The following CLPB variants were observed in gnomAD, a reference collection of about 807,000 sequenced individuals.
CLPB encodes ClpB family mitochondrial disaggregase.
Under a neutral mutation model 78.4 loss-of-function variants are expected in CLPB, and 40 were observed. The ratio of observed to expected loss-of-function variants is 0.51; its 90% CI spans 0.40 to 0.66. The LOEUF is 0.66. Among genes scored for constraint, CLPB ranks in the 30% least tolerant of loss-of-function variants. CLPB has a pLI of 0.00. For synonymous variants in CLPB, 333 were observed against 348.0 expected, an observed-to-expected ratio of 0.96 and a Z score of 0.48; for missense variants, 780 against 886.9, an observed-to-expected ratio of 0.88 and a Z score of 1.53.
chr11:72,292,794 C>T lies in CLPB; in HGVS notation c.*573G>A, dbSNP rs1048116113. The T allele has an allele frequency of 6.5e-6, 1 of 154,036 alleles. No individual in the cohort carries two copies. Among genetic ancestry groups the T allele is most frequent in the Non-Finnish European group, 1.4e-5 (1 of 69,218 alleles). 9.5% of individuals were successfully genotyped at this position (154,036 alleles called of 1,614,324 possible). On this transcript the variant is annotated 3_prime_UTR_variant, in exon 16 of 16. Coordinates refer to ENST00000538039, the MANE Select transcript of CLPB (RefSeq NM_001258392.3). ...ACTGGGCATAATATAGTAGCGGAAA[C>T]AGGCAAGCCTCTATGGGTCCCTTCC...
At chr11:72,419,379 G>A (rs1379326384) in intron 2 of CLPB, among the ~76,000 whole-genome samples, 1 of 152,200 alleles carries the variant, frequency 6.6e-6, no homozygotes, top group African/African-American at 2.4e-5. Flanking sequence ...CAAGAGGCAG[G>A]ACCATGCCCA....
intron 3 of CLPB, among the ~76,000 whole-genome samples, chr11:72,395,198 C>T (rs1045770201): frequency 6.6e-6 from 1 of 152,164 alleles, no homozygotes; most frequent in South Asian, 2.1e-4. Context: ...GACTTTTATC[C>T]CTTTTCTGAG....
intron 3 of CLPB, among the ~76,000 whole-genome samples, chr11:72,401,506 A>G (rs1590899518): frequency 6.6e-6 from 1 of 152,188 alleles, no homozygotes; most frequent in Non-Finnish European, 1.5e-5. Flanking sequence ...AGCTAAAGAG[A>G]GCAAATCAGG....
Position 72,434,315 on chromosome 11 carries a change from C to G in CLPB, c.160G>C (p.Gly54Arg). 6.2e-7 allele frequency: 1 copy of G among 1,612,532 alleles called. No individual in the cohort carries two copies. Among genetic ancestry groups the G allele is most frequent in the Non-Finnish European group, 8.5e-7 (1 of 1,179,792 alleles). The stretch of plus-strand genomic sequence containing the variant: ...AAGGCCGGCGATGTTCCAGGGCGCC[C>G]CCCGGTGGCTACCCTCAGCCACTGC... ...EPQWLRVATGGRPGTSPALFS... is the reference protein window; with the variant it reads ...EPQWLRVATGRRPGTSPALFS... The change falls in exon 1 of 16, where the codon GGG becomes CGG. Residue 54 changes from glycine to arginine, a missense_variant. Gly to Arg is a moderately radical substitution (Grantham distance 125). Coordinates refer to ENST00000538039, the MANE Select transcript of CLPB (RefSeq NM_001258392.3).
intron 9 of CLPB, among the ~76,000 whole-genome samples, chr11:72,305,265 G>C (rs1461385581): frequency 6.6e-6 from 1 of 152,220 alleles, no homozygotes; most frequent in Non-Finnish European, 1.5e-5. Flanking sequence ...ATAAGCCTAA[G>C]AATGCTGTAG....
intron 7 of CLPB, among the ~76,000 whole-genome samples, chr11:72,316,833 T>C (rs1266292432): frequency 2.0e-5 from 3 of 152,134 alleles, no homozygotes; most frequent in Non-Finnish European, 2.9e-5. Context: ...ATTCTATGCA[T>C]AGGAAAGCAG....
chr11:72,424,296 G>A (rs1460377210), intron 2 of CLPB, among the ~76,000 whole-genome samples: 2 of 152,170 alleles, frequency 1.3e-5, no homozygotes, highest in Non-Finnish European at 2.9e-5. Flanking sequence ...CCCATGCCTG[G>A]GGGCAATTGT....
intron 3 of CLPB, among the ~76,000 whole-genome samples, chr11:72,386,000 C>T (rs1590878448): frequency 6.6e-6 from 1 of 152,060 alleles, no homozygotes; most frequent in Non-Finnish European, 1.5e-5. Context: ...ATAAAATTTA[C>T]ATCAAAAAGT....
At chr11:72,379,414 TA>T (rs1202310766) in intron 4 of CLPB, among the ~76,000 whole-genome samples, 1 of 152,128 alleles carries the variant, frequency 6.6e-6, no homozygotes, top group Non-Finnish European at 1.5e-5. Context: ...AAATGTAAAA[TA>T]CTCATTTCTG....
chr11:72,310,472 A>T (rs953475908), intron 7 of CLPB, among the ~76,000 whole-genome samples: 4 of 152,208 alleles, frequency 2.6e-5, no homozygotes, highest in Non-Finnish European at 5.9e-5. Context: ...GAAGAGGGAA[A>T]AGTGCAAGCT....
At chr11:72,408,396 G>A (rs1175627157) in intron 2 of CLPB, among the ~76,000 whole-genome samples, 1 of 152,090 alleles carries the variant, frequency 6.6e-6, no homozygotes, top group African/African-American at 2.4e-5. Flanking sequence ...GGCTGGGTGC[G>A]GTGGCTCATG....
At chr11:72,406,716 C>T (rs766307542) in intron 2 of CLPB, among the ~76,000 whole-genome samples, 1 of 152,194 alleles carries the variant, frequency 6.6e-6, no homozygotes, top group South Asian at 2.1e-4. Context: ...TGGCTCTAGG[C>T]ACTTTGTTCA....
At chr11:72,390,068 T>A (rs1311566190) in intron 3 of CLPB, among the ~76,000 whole-genome samples, 1 of 152,166 alleles carries the variant, frequency 6.6e-6, no homozygotes, top group African/African-American at 2.4e-5. Context: ...CACTTCCCAA[T>A]ACTGACTTTC....
intron 6 of CLPB, among the ~76,000 whole-genome samples, chr11:72,319,938 T>G (rs1950015454): frequency 6.6e-6 from 1 of 152,190 alleles, no homozygotes; most frequent in Non-Finnish European, 1.5e-5. Context: ...CCACAGATAA[T>G]AAGAAGAGTT....
intron 2 of CLPB, among the ~76,000 whole-genome samples, chr11:72,414,946 G>A (rs893774476): frequency 3.9e-5 from 6 of 152,148 alleles, no homozygotes; most frequent in East Asian, 1.9e-4. Flanking sequence ...GGCTGGGAAC[G>A]GTGGTTCACG....
chr11:72,375,079 C>G (rs544932680), intron 4 of CLPB, among the ~76,000 whole-genome samples: 56 of 152,324 alleles, frequency 3.7e-4, no homozygotes, highest in African/African-American at 1.3e-3. Flanking sequence ...CTGCTAATAT[C>G]TATTTACTCT....
chr11:72,306,303 A>C (rs1389543921), intron 9 of CLPB, among the ~76,000 whole-genome samples: 1 of 151,926 alleles, frequency 6.6e-6, no homozygotes, highest in Non-Finnish European at 1.5e-5. Context: ...GGAGTCCAAG[A>C]CTCTGTGCTG....
At chr11:72,362,737 T>C (rs1431798258) in intron 4 of CLPB, among the ~76,000 whole-genome samples, 3 of 152,194 alleles carry the variant, frequency 2.0e-5, no homozygotes, top group African/African-American at 7.2e-5. Flanking sequence ...GCCTAGCATA[T>C]AGTAGCTCTC....
intron 2 of CLPB, among the ~76,000 whole-genome samples, chr11:72,413,182 G>A (rs964446186): frequency 2.4e-4 from 36 of 151,884 alleles, no homozygotes; most frequent in African/African-American, 7.5e-4. Context: ...CCAGCTACTC[G>A]GGAGGCTGAG....
Sources: allele counts gnomAD v4.1 joint callset (sites outside exome capture counted in the v4.1 genomes callset), GRCh38; gene constraint gnomAD v4.1.1; transcripts MANE v1.5; gene names NCBI Gene and HGNC (gene_info 2026-07-23, HGNC 2026-07-21).